Variants in VPS45 observed in about 807,000 individuals in gnomAD.
VPS45 encodes vacuolar protein sorting-associated protein 45.
VPS45 carries 35 observed loss-of-function variants against 75.9 expected under a neutral mutation model. The ratio of observed to expected loss-of-function variants is 0.46; its 90% CI spans 0.35 to 0.61. The LOEUF (loss-of-function observed/expected upper bound fraction) is 0.61, where lower values mean the gene tolerates loss of function less well. Ranked by LOEUF, VPS45 falls within the 20% of genes least tolerant of loss-of-function variation. The probability of loss-of-function intolerance (pLI) is 0.00; values close to 1 mark genes in which losing one functional copy is unlikely to be tolerated. For synonymous variants in VPS45, 220 were observed against 238.2 expected (o/e 0.92, Z 0.70); for missense variants, 559 against 685.9 (o/e 0.81, Z 2.07).
chr1:150,073,994 T>G (rs1244469167), intron 3 of VPS45, among the ~76,000 whole-genome samples: 1 of 143,976 alleles, frequency 6.9e-6, no homozygotes, highest in Admixed American at 6.8e-5. Flanking sequence ...GGCTGTTCTG[T>G]GTGTGTGTGT....
At chr1:150,113,905 A>G in intron 14 of VPS45, among the ~76,000 whole-genome samples, 1 of 151,878 alleles carries the variant, frequency 6.6e-6, no homozygotes, top group Non-Finnish European at 1.5e-5. Flanking sequence ...AAAGAAAAAA[A>G]GAAGAAGAAG....
rs1559907370 is a variant in VPS45, at chr1:150,081,382, A to G, written c.728A>G (p.Asn243Ser). ...QAMVHELLGI[N>S]NNRIDLSRVP... ...ATGGTCCACGAACTACTAGGCATAAACAACAATCGGATTGATCTTTCCAGA... is the reference window on the plus strand; with the variant it reads ...ATGGTCCACGAACTACTAGGCATAAGCAACAATCGGATTGATCTTTCCAGA... The change falls in exon 8 of 15, where the codon AAC (asparagine) becomes AGC (serine). Residue 243 changes from asparagine (N) to serine (S), a missense_variant. Coordinates refer to ENST00000644510, the MANE Select transcript of VPS45 (RefSeq NM_007259.5). The G allele has an allele frequency of 6.2e-7, 1 of 1,608,592 alleles. No homozygotes were observed. The highest frequency in any genetic ancestry group is 1.1e-5 in the South Asian group (1 of 89,896).
chr1:150,070,051 C>G (rs587644016), intron 2 of VPS45, among the ~76,000 whole-genome samples: 4 of 152,240 alleles, frequency 2.6e-5, no homozygotes, highest in Non-Finnish European at 4.4e-5. Flanking sequence ...TCCCGTCATG[C>G]CACGGGACGT....
At chr1:150,142,805 C>G in intron 14 of VPS45, 1 of 445,630 alleles carries the variant, frequency 2.2e-6, no homozygotes, top group Non-Finnish European at 4.5e-6. Context: ...GCTGGGACTA[C>G]AGGCACCTGT....
chr1:150,072,156 C>T lies in VPS45; in HGVS notation c.229-10C>T, dbSNP rs781990380. ...CCTCATATTTTGTTTGCTTGTTCTTCATTTTCTAGGAGAATGTGGATTATA... is the reference window on the plus strand; with the variant it reads ...CCTCATATTTTGTTTGCTTGTTCTTTATTTTCTAGGAGAATGTGGATTATA... On this transcript the variant is annotated splice_polypyrimidine_tract_variant and intron_variant, in intron 2 of 14. Transcript: ENST00000644510. 3 of 1,603,588 alleles carry T rather than the reference C, an allele frequency of 1.9e-6. No homozygotes were observed. The highest frequency in any genetic ancestry group is 2.6e-6 in the Non-Finnish European group (3 of 1,174,664).
At position 150,077,331 on chromosome 1, in the gene VPS45, TG is replaced by T. The variant is rs139922930; in HGVS notation, c.576+101del. The T allele has an allele frequency of 4.5e-3, 6,475 of 1,430,970 alleles. 192 individuals are homozygous for T. The African/African-American group carries it at 0.075, about 17-fold the overall frequency. 88.6% of individuals were successfully genotyped at this position (1,430,970 alleles called of 1,614,324 possible). A position where few individuals can be genotyped will look rare whatever the true frequency, so the allele number is the denominator to read the frequency against. The stretch of plus-strand genomic sequence containing the variant: ...AATAGTTTATTTACAACCAAGGAGA[TG>T]ATTGTATGTTAGGTTTCCGCGAAAA... On this transcript the variant is annotated intron_variant, in intron 6 of 14. Coordinates refer to ENST00000644510, the MANE Select transcript of VPS45 (RefSeq NM_007259.5).
chr1:150,088,429 T>TAATAAATAAATA (rs1333951664), intron 10 of VPS45, among the ~76,000 whole-genome samples: 5 of 120,172 alleles, frequency 4.2e-5, no homozygotes, highest in African/African-American at 1.7e-4. Context: ...CATGGCTGAA[T>TAATAAATAAATA]AATAAATATA....
intron 14 of VPS45, among the ~76,000 whole-genome samples, chr1:150,113,738 A>C (rs1306118258): frequency 6.6e-6 from 1 of 152,020 alleles, no homozygotes; most frequent in African/African-American, 2.4e-5. Flanking sequence ...TCTACTAAAA[A>C]TACAAAAATT....
chr1:150,079,781 T>C, intron 7 of VPS45, among the ~76,000 whole-genome samples: 1 of 152,214 alleles, frequency 6.6e-6, no homozygotes, highest in East Asian at 1.9e-4. Context: ...CTAATGTTAA[T>C]GCTAAGGGAA....
At chr1:150,125,007 A>G (rs1464310344) in intron 14 of VPS45, among the ~76,000 whole-genome samples, 2 of 151,712 alleles carry the variant, frequency 1.3e-5, no homozygotes, top group East Asian at 1.9e-4. Flanking sequence ...ATGGCTATAT[A>G]ATTTTATTTT....
intron 7 of VPS45, among the ~76,000 whole-genome samples, chr1:150,079,814 G>A (rs1447965715): frequency 3.3e-5 from 5 of 152,190 alleles, no homozygotes; most frequent in Admixed American, 2.6e-4. Flanking sequence ...AAACTTCTCT[G>A]TAGTATAAAA....
chr1:150,070,914 G>A (rs1553796916), intron 2 of VPS45, among the ~76,000 whole-genome samples: 1 of 150,808 alleles, frequency 6.6e-6, no homozygotes, highest in African/African-American at 2.5e-5. Flanking sequence ...CACATTGTCT[G>A]AACTTTTAAG....
intron 13 of VPS45, chr1:150,109,556 A>G (rs1657524410): frequency 6.6e-6 from 1 of 152,118 alleles, no homozygotes; most frequent in East Asian, 1.9e-4. Flanking sequence ...TTGATTAAAG[A>G]TGTTTCTGGT....
At chr1:150,139,595 T>G (rs1419808518) in intron 14 of VPS45, among the ~76,000 whole-genome samples, 1 of 152,162 alleles carries the variant, frequency 6.6e-6, no homozygotes, top group Non-Finnish European at 1.5e-5. Flanking sequence ...TCACCCATGC[T>G]GGGGTGCAAT....
rs1270643931 is a variant in VPS45 at position 150,068,984 on chromosome 1, C to T, written c.228+220C>T. On this transcript the variant is annotated intron_variant, in intron 2 of 14. Coordinates refer to ENST00000644510, the MANE Select transcript of VPS45 (RefSeq NM_007259.5). ...TTCAAGATGTTTTTTAGGTTCACAG[C>T]CATTCCCATTGCCACTAATGAACTA... 1.0e-5 allele frequency: 5 copies of T among 489,844 alleles called. No homozygotes were observed. The South Asian group carries it at 2.0e-4, about 20-fold the overall frequency. 30.3% of individuals were successfully genotyped at this position (489,844 alleles called of 1,614,324 possible).
At chr1:150,134,653 T>C (rs1658984978) in intron 14 of VPS45, among the ~76,000 whole-genome samples, 1 of 152,234 alleles carries the variant, frequency 6.6e-6, no homozygotes, top group South Asian at 2.1e-4. Context: ...TTTTGAGCTT[T>C]ATAAAAATAG....
chr1:150,102,634 CA>C (rs765790995), intron 13 of VPS45, among the ~76,000 whole-genome samples: 133 of 151,494 alleles, frequency 8.8e-4, no homozygotes, highest in Non-Finnish European at 1.5e-3. Flanking sequence ...AAATGCCCAC[CA>C]ATGACAGACT....
chr1:150,127,570 G>A (rs1658582737), intron 14 of VPS45, among the ~76,000 whole-genome samples: 2 of 152,192 alleles, frequency 1.3e-5, no homozygotes, highest in South Asian at 4.1e-4. Context: ...TTACTGGCAT[G>A]AGCCACCACA....
chr1:150,080,697 G>A (rs146727993), intron 7 of VPS45, among the ~76,000 whole-genome samples: 12 of 152,116 alleles, frequency 7.9e-5, no homozygotes, highest in Admixed American at 2.0e-4. Flanking sequence ...CTCCATAATT[G>A]GTGAAAAGGG....
Sources: allele counts gnomAD v4.1 joint callset (sites outside exome capture counted in the v4.1 genomes callset), GRCh38; gene constraint gnomAD v4.1.1; transcripts MANE v1.5; gene names NCBI Gene and HGNC (gene_info 2026-07-23, HGNC 2026-07-21).